Variants in INPP5A observed in about 807,000 individuals in gnomAD.
The protein encoded by INPP5A is 43 kDa inositol polyphosphate 5-phophatase.
A neutral mutation model predicts 65.2 loss-of-function variants in INPP5A; 14 were observed. That is an observed-to-expected ratio of 0.21 (90% CI 0.14 to 0.34). The LOEUF (loss-of-function observed/expected upper bound fraction) is 0.34. Ranked by LOEUF, INPP5A falls within the 10% of genes least tolerant of loss-of-function variation. The pLI is 1.00. For missense variants in INPP5A, 431 were observed against 545.6 expected, an observed-to-expected ratio of 0.79 and a Z score of 2.09; for synonymous variants, 207 against 208.3, an observed-to-expected ratio of 0.99 and a Z score of 0.05.
At position 132,637,636 on chromosome 10, in the gene INPP5A, C is replaced by T. The variant is rs757644933; in HGVS notation, c.118-8232C>T. 2.0e-4 allele frequency among the ~76,000 whole-genome samples: 30 copies of T among 152,214 alleles called. No homozygotes were observed. In the Middle Eastern group the frequency reaches 0.01, roughly 52 times the overall value. On this transcript the variant is annotated intron_variant, in intron 2 of 15. Transcript: ENST00000368594. The surrounding 1 kb of genome is among the most constrained non-coding windows in gnomAD (Gnocchi z 4.1). ...GGTTTCCTTCCAGTGACTCTCCTGG[C>T]GCCTGCTGTGGCTGTCCTCCTCTGT...
intron 2 of INPP5A, among the ~76,000 whole-genome samples, chr10:132,611,937 C>G (rs2071962026): frequency 7.3e-6 from 1 of 137,224 alleles, no homozygotes; most frequent in South Asian, 2.4e-4. Flanking sequence ...GGGGAGAGGC[C>G]CTGTCAGAGG....
At chr10:132,708,267 T>C (rs1301296643) in intron 6 of INPP5A, 46 bp from the exon 7 acceptor site, 2 of 1,589,894 alleles carry the variant, frequency 1.3e-6, no homozygotes, top group Non-Finnish European at 1.7e-6. Context: ...CGTGTTGCTC[T>C]TGCTCACTTA....
intron 9 of INPP5A, among the ~76,000 whole-genome samples, chr10:132,731,707 T>C (rs2134595534): frequency 6.6e-6 from 1 of 152,292 alleles, no homozygotes; most frequent in Middle Eastern, 3.4e-3. Flanking sequence ...AGGGAGCTGG[T>C]CTCTGGTGAG....
chr10:132,754,855 G>A (rs771842745), intron 11 of INPP5A, among the ~76,000 whole-genome samples: 2 of 152,250 alleles, frequency 1.3e-5, no homozygotes, highest in Non-Finnish European at 2.9e-5. Flanking sequence ...CTATTGGAGT[G>A]TGTGTCAGCG....
At chr10:132,774,689 C>G (rs1358076503) in intron 12 of INPP5A, among the ~76,000 whole-genome samples, 1 of 152,032 alleles carries the variant, frequency 6.6e-6, no homozygotes, top group African/African-American at 2.4e-5. Context: ...CCCAGCCCAG[C>G]CTGCTCAGGT....
At position 132,753,581 on chromosome 10, in the gene INPP5A, G is replaced by A. The variant is rs1846535779; in HGVS notation, c.903+3736G>A. 6.6e-6 allele frequency among the ~76,000 whole-genome samples: 1 copy of A among 152,226 alleles called. No individual in the cohort carries two copies. Among genetic ancestry groups the A allele is most frequent in the African/African-American group, 2.4e-5 (1 of 41,458 alleles). On this transcript the variant is annotated intron_variant, in intron 11 of 15. Transcript: ENST00000368594. This position sits in a 1 kb window ranked among gnomAD's most constrained non-coding sequence, Gnocchi z 5.3. The stretch of plus-strand genomic sequence containing the variant: ...ATCGAAATTGTATAATTAATTATAA[G>A]TGTAGCTGTCAGGGCTGCAGGATGG...
Position 132,563,804 on chromosome 10 carries a change from T to A in INPP5A, c.75+25633T>A, listed in dbSNP as rs112254215. On this transcript the variant is annotated intron_variant, in intron 1 of 15. Transcript: ENST00000368594. The stretch of plus-strand genomic sequence containing the variant: ...TGCTGGTGAGACAGCCCCGGGGGAT[T>A]TATAACTCGCCTTCTCACTGCTTTG... Among the ~76,000 whole-genome samples the A allele has an allele frequency of 3.0e-3, 457 of 152,248 alleles. 1 individual carries two copies. The highest frequency in any genetic ancestry group is 0.011 in the African/African-American group (444 of 41,548).
At chr10:132,687,160 G>A (rs961264142) in intron 4 of INPP5A, among the ~76,000 whole-genome samples, 13 of 152,174 alleles carry the variant, frequency 8.5e-5, no homozygotes, top group Admixed American at 5.9e-4. Flanking sequence ...GGCCAGGCCG[G>A]TCTTGAACTC....
chr10:132,774,656 C>G (rs184635201), intron 12 of INPP5A, among the ~76,000 whole-genome samples: 1 of 152,012 alleles, frequency 6.6e-6, no homozygotes, highest in African/African-American at 2.4e-5. Flanking sequence ...GTCTGCTTCT[C>G]GGGCCCGTGG....
At position 132,772,659 on chromosome 10, in the gene INPP5A, A is replaced by G. The variant is rs2767432; in HGVS notation, c.978-5012A>G. Among the ~76,000 whole-genome samples the G allele has an allele frequency of 3.7e-3, 339 of 91,012 alleles. 3 individuals are homozygous for G. Among genetic ancestry groups the G allele is most frequent in the South Asian group, 5.2e-3 (11 of 2,106 alleles). 59.7% of individuals were successfully genotyped at this position (91,012 alleles called of 152,430 possible). A position where few individuals can be genotyped will look rare whatever the true frequency, so the allele number is the denominator to read the frequency against. ...TGGGACGGACACTCAGCACTGACAC[A>G]GAGGCCACGGCAGCCGCCCCACGAA... On this transcript the variant is annotated intron_variant, in intron 12 of 15. Coordinates refer to ENST00000368594, the MANE Select transcript of INPP5A (RefSeq NM_005539.5).
intron 1 of INPP5A, among the ~76,000 whole-genome samples, chr10:132,590,479 G>C (rs545972755): frequency 8.5e-5 from 13 of 152,266 alleles, no homozygotes; most frequent in Admixed American, 7.2e-4. Context: ...AGAGGAGTGT[G>C]GGGGAGACAC....
At chr10:132,749,633 GGCAGGTGACGCACGGGGCCTGC>G (rs763638788) in intron 10 of INPP5A, 21 bp downstream of exon 10, 2 of 1,610,178 alleles carry the variant, frequency 1.2e-6, no homozygotes, top group East Asian at 4.5e-5. Flanking sequence ...CCTGTGACTG[GGCAGGTGACGCACGGGGCCTGC>G]GCAGGACTCT....
At chr10:132,571,684 C>T (rs1028034200) in intron 1 of INPP5A, among the ~76,000 whole-genome samples, 2 of 152,242 alleles carry the variant, frequency 1.3e-5, no homozygotes, top group Non-Finnish European at 2.9e-5. Context: ...GCAGACCTGT[C>T]ATCCCCGCAG....
At chr10:132,768,338 A>G (rs1846889593) in intron 12 of INPP5A, among the ~76,000 whole-genome samples, 1 of 147,938 alleles carries the variant, frequency 6.8e-6, no homozygotes, top group Non-Finnish European at 1.5e-5. Flanking sequence ...CATTCCAGAA[A>G]GATCCATGGA....
chr10:132,595,426 A>T (rs1008883564), intron 1 of INPP5A, among the ~76,000 whole-genome samples: 8 of 152,226 alleles, frequency 5.3e-5, no homozygotes, highest in Non-Finnish European at 8.8e-5. Flanking sequence ...TTGTTATTTT[A>T]ACCACTGGTA....
intron 8 of INPP5A, among the ~76,000 whole-genome samples, chr10:132,712,886 G>T (rs987227233): frequency 1.5e-4 from 23 of 150,606 alleles, no homozygotes; most frequent in Non-Finnish European, 3.1e-4. Context: ...GCCTGTGTGG[G>T]TGTGCATGTG....
At chr10:132,560,536 C>T (rs940607224) in intron 1 of INPP5A, among the ~76,000 whole-genome samples, 6 of 152,110 alleles carry the variant, frequency 3.9e-5, no homozygotes, top group African/African-American at 9.7e-5. Context: ...GAGTGTCTTT[C>T]GTGTGCTTAC....
intron 14 of INPP5A, 63 bp downstream of exon 14, chr10:132,780,980 G>A: frequency 7.9e-7 from 1 of 1,270,924 alleles, no homozygotes; most frequent in South Asian, 1.2e-5. Context: ...GGGGCCGGGG[G>A]GCTGGGGCCA....
chr10:132,688,959 T>C (rs1336765398), intron 4 of INPP5A, among the ~76,000 whole-genome samples: 1 of 150,750 alleles, frequency 6.6e-6, no homozygotes, highest in Non-Finnish European at 1.5e-5. Context: ...CAAATGCATG[T>C]TGTGTGTGCA....
Sources: gnomAD v4.1 joint callset for allele counts (sites outside exome capture counted in the v4.1 genomes callset) on GRCh38, gnomAD v4.1.1 for gene constraint, Gnocchi (gnomAD v3.1) non-coding constraint, MANE v1.5 for transcripts, NCBI Gene and HGNC (gene_info 2026-07-23, HGNC 2026-07-21) for gene names.